ARID3A: variants seen among roughly 807,000 people sequenced by gnomAD.
The protein encoded by ARID3A is AT-rich interactive domain-containing protein 3A.
In ARID3A, 11 loss-of-function variants were observed where a neutral mutation model predicts 52.7. The observed-to-expected ratio is 0.21, with a 90% CI of 0.13 to 0.35. ARID3A has a LOEUF of 0.35. Ranked by LOEUF, ARID3A falls within the 10% of genes least tolerant of loss-of-function variation. ARID3A has a pLI of 1.00. For missense variants in ARID3A, 721 were observed against 838.5 expected (o/e 0.86, Z 1.73); for synonymous variants, 404 against 359.4 (o/e 1.12, Z -1.40).
In ARID3A at chr19:975,466, T is replaced by C. The variant is rs1485348816; in HGVS notation, c.*3401T>C. On this transcript the variant is annotated 3_prime_UTR_variant, in exon 9 of 9. Coordinates refer to ENST00000263620, the MANE Select transcript of ARID3A (RefSeq NM_005224.3). Reference sequence around the variant, plus strand: ...CCCACCTTGTCCCTTTTTTCCCCAATTGTGCTTTTGCATTTTTTTCCTTGG... The same window carrying C: ...CCCACCTTGTCCCTTTTTTCCCCAACTGTGCTTTTGCATTTTTTTCCTTGG... 4 of 228,218 alleles carry C rather than the reference T, an allele frequency of 1.8e-5. No individual in the cohort carries two copies. Among genetic ancestry groups the C allele is most frequent in the South Asian group, 1.8e-4 (1 of 5,498 alleles). 14.1% of individuals were successfully genotyped at this position (228,218 alleles called of 1,614,324 possible).
chr19:929,971 T>C lies in ARID3A; in HGVS notation c.368+75T>C. Reference sequence around the variant, plus strand: ...AGTGTCACTCTGCTCATCTGCAGAATGGGAGTAAGGGTCAGGTCGCGGGAT... The same window carrying C: ...AGTGTCACTCTGCTCATCTGCAGAACGGGAGTAAGGGTCAGGTCGCGGGAT... On this transcript the variant is annotated intron_variant, in intron 2 of 8. Transcript: ENST00000263620. This position sits in a 1 kb window ranked among gnomAD's most constrained non-coding sequence, Gnocchi z 6.2. 1 of 1,522,580 alleles carries C rather than the reference T, an allele frequency of 6.6e-7. No homozygotes were observed. Among genetic ancestry groups the C allele is most frequent in the Middle Eastern group, 1.7e-4 (1 of 5,894 alleles). 94.3% of individuals were successfully genotyped at this position (1,522,580 alleles called of 1,614,324 possible).
Position 974,445 on chromosome 19 carries a change from G to A in ARID3A, c.*2380G>A, listed in dbSNP as rs549602798. ...TGGACTCTGTCCGTGTCTGTCCCCC[G>A]GCCTCCAGGGCTCCTCTCCCGGGAC... On this transcript the variant is annotated 3_prime_UTR_variant, in exon 9 of 9. Coordinates refer to ENST00000263620, the MANE Select transcript of ARID3A (RefSeq NM_005224.3). 6 of 230,960 alleles carry A rather than the reference G, an allele frequency of 2.6e-5. No homozygotes were observed. The highest frequency in any genetic ancestry group is 4.3e-5 in the Non-Finnish European group (5 of 116,672). The allele number at this position is 230,960 out of a possible 1,614,324, so 14.3% of individuals were successfully genotyped here.
At position 941,126 on chromosome 19, in the gene ARID3A, C is replaced by T. The variant is rs375203030; in HGVS notation, c.693+8384C>T. Among the ~76,000 whole-genome samples, 175 of 152,312 alleles carry T rather than the reference C, an allele frequency of 1.1e-3. 3 individuals are homozygous for T. The South Asian group carries it at 0.014, about 12-fold the overall frequency. On this transcript the variant is annotated intron_variant, in intron 3 of 8. Coordinates refer to ENST00000263620, the MANE Select transcript of ARID3A (RefSeq NM_005224.3). This position sits in a 1 kb window ranked among gnomAD's most constrained non-coding sequence, Gnocchi z 6.9. ...GGTGGCTGCTGCCAAGCGCCGGCCC[C>T]GCCCCATGCTTTCTAATAACACACG...
Position 944,033 on chromosome 19 carries a change from T to C in ARID3A, c.693+11291T>C, listed in dbSNP as rs1321562998. ...ATGGGGCACCTGTTGTATGCCAGCC[T>C]GACCCTCTCATGGGCACTTACGGGG... On this transcript the variant is annotated intron_variant, in intron 3 of 8. Transcript: ENST00000263620. This position sits in a 1 kb window ranked among gnomAD's most constrained non-coding sequence, Gnocchi z 5.9. Among the ~76,000 whole-genome samples the C allele has an allele frequency of 5.6e-5, 7 of 124,658 alleles. No homozygotes were observed. The highest frequency in any genetic ancestry group is 2.9e-4 in the South Asian group (1 of 3,500). The allele number at this position is 124,658 out of a possible 152,430, so 81.8% of individuals were successfully genotyped here.
rs534039447 is a variant in ARID3A, at chr19:941,473, G to T, written c.693+8731G>T. Among the ~76,000 whole-genome samples, 77 of 152,320 alleles carry T rather than the reference G, an allele frequency of 5.1e-4. No homozygotes were observed. Among genetic ancestry groups the T allele is most frequent in the African/African-American group, 1.8e-3 (74 of 41,576 alleles). On this transcript the variant is annotated intron_variant, in intron 3 of 8. Coordinates refer to ENST00000263620, the MANE Select transcript of ARID3A (RefSeq NM_005224.3). The surrounding 1 kb of genome is among the most constrained non-coding windows in gnomAD (Gnocchi z 6.9). Reference sequence around the variant, plus strand: ...GTCCCCAGCCAGCACCACGGTGTTCGTTTAGGTCTCTGTGTGCCGAGTGAC... The same window carrying T: ...GTCCCCAGCCAGCACCACGGTGTTCTTTTAGGTCTCTGTGTGCCGAGTGAC...
At chr19:927,754 G>A (rs747326054) in intron 1 of ARID3A, among the ~76,000 whole-genome samples, 5 of 151,982 alleles carry the variant, frequency 3.3e-5, no homozygotes, top group Non-Finnish European at 2.9e-5. Flanking sequence ...GGTGGCCTCC[G>A]GACCGCCAGG....
At position 944,609 on chromosome 19, in the gene ARID3A, C is replaced by T. The variant is rs1418328440; in HGVS notation, c.693+11867C>T. ...GGGCCCGACTGCCAGCCTGGCTGAA[C>T]CTCCTTCATTGTCTGGTTTTCGGGG... On this transcript the variant is annotated intron_variant, in intron 3 of 8. Transcript: ENST00000263620. The surrounding 1 kb of genome is among the most constrained non-coding windows in gnomAD (Gnocchi z 5.9). Among the ~76,000 whole-genome samples the T allele has an allele frequency of 6.6e-6, 1 of 152,116 alleles. No homozygotes were observed. Among genetic ancestry groups the T allele is most frequent in the East Asian group, 1.9e-4 (1 of 5,188 alleles).
chr19:929,639 C>G lies in ARID3A; in HGVS notation c.111C>G (p.Gly37=). The G allele has an allele frequency of 6.5e-7, 1 of 1,529,708 alleles. No individual in the cohort carries two copies. The highest frequency in any genetic ancestry group is 8.7e-7 in the Non-Finnish European group (1 of 1,144,838). 94.8% of individuals were successfully genotyped at this position (1,529,708 alleles called of 1,614,324 possible). ...LPPDPPAAPP[G]RARAAPDEDR... is the part of the protein sequence containing the mutation. ...CCGATCCCCCTGCTGCACCCCCCGG[C>G]CGGGCCCGGGCTGCCCCCGACGAGG... Residue 37 remains glycine (G), a synonymous_variant, in exon 2 of 9, where the codon GGC becomes GGG. Transcript: ENST00000263620. This position sits in a 1 kb window ranked among gnomAD's most constrained non-coding sequence, Gnocchi z 6.2.
chr19:936,659 G>A (rs1456389097), intron 3 of ARID3A, among the ~76,000 whole-genome samples: 1 of 151,882 alleles, frequency 6.6e-6, no homozygotes, highest in Non-Finnish European at 1.5e-5. Flanking sequence ...TGGCTAACAC[G>A]GTGAAACCCT....
At chr19:937,788 C>G (rs964505339) in intron 3 of ARID3A, among the ~76,000 whole-genome samples, 7 of 147,592 alleles carry the variant, frequency 4.7e-5, no homozygotes, top group Admixed American at 2.8e-4. Flanking sequence ...CTCACTGCAA[C>G]CTCCACCTCC....
Position 939,316 on chromosome 19 carries a change from A to G in ARID3A, c.693+6574A>G, listed in dbSNP as rs1191665712. Among the ~76,000 whole-genome samples the G allele has an allele frequency of 3.9e-5, 6 of 151,934 alleles. No homozygotes were observed. The East Asian group carries it at 1.2e-3, about 29-fold the overall frequency. On this transcript the variant is annotated intron_variant, in intron 3 of 8. Coordinates refer to ENST00000263620, the MANE Select transcript of ARID3A (RefSeq NM_005224.3). ...GTATTTTTAGTAGAGACGGGGTTTCACCATGTTGCCCAGGGTGGTCTCGTA... is the reference window on the plus strand; with the variant it reads ...GTATTTTTAGTAGAGACGGGGTTTCGCCATGTTGCCCAGGGTGGTCTCGTA...
intron 3 of ARID3A, among the ~76,000 whole-genome samples, chr19:933,847 G>GGT (rs1555726115): frequency 7.4e-5 from 6 of 81,566 alleles, no homozygotes; most frequent in South Asian, 4.7e-4. Context: ...GGGACTCGGT[G>GGT]GGGGGGGGGG....
Position 971,986 on chromosome 19 carries a change from C to T in ARID3A, c.1703C>T (p.Thr568Ile), listed in dbSNP as rs535008862. 60 of 1,602,140 alleles carry T rather than the reference C, an allele frequency of 3.7e-5. No homozygotes were observed. In the African/African-American group the frequency reaches 6.4e-4, roughly 17 times the overall value. Residue 568 changes from threonine (T) to isoleucine (I), a missense_variant, in exon 9 of 9, where the codon ACC becomes ATC. Transcript: ENST00000263620. ...SSNAGGRGGNTGTSGGQAGPA... is the reference protein window; with the variant it reads ...SSNAGGRGGNIGTSGGQAGPA... ...AACGCAGGCGGCCGGGGAGGAAACA[C>T]CGGAACCAGCGGCGGCCAGGCTGGG...
In ARID3A at chr19:960,118, G is replaced by A. The variant is rs749528929; in HGVS notation, c.720G>A (p.Lys240=). 132 of 1,613,236 alleles carry A rather than the reference G, an allele frequency of 8.2e-5. No individual in the cohort carries two copies. Among genetic ancestry groups the A allele is most frequent in the Non-Finnish European group, 9.8e-5 (116 of 1,179,600 alleles). The change falls in exon 4 of 9, where the codon AAG becomes AAA. Residue 240 remains lysine (K), a synonymous_variant. Transcript: ENST00000263620. The surrounding 1 kb of genome is among the most constrained non-coding windows in gnomAD (Gnocchi z 4.3). ...TCTACGAACTCGACGGGGACCCCAAGAGGAAGGAATTCCTGGATGACTTGT... is the reference window on the plus strand; with the variant it reads ...TCTACGAACTCGACGGGGACCCCAAAAGGAAGGAATTCCTGGATGACTTGT... The part of the protein sequence containing the change: ...KQLYELDGDP[K]RKEFLDDLFS...
chr19:970,442 G>A (rs2038251903), intron 8 of ARID3A, among the ~76,000 whole-genome samples: 1 of 151,894 alleles, frequency 6.6e-6, no homozygotes, highest in Non-Finnish European at 1.5e-5. Context: ...AGGCCAGCCT[G>A]GGCAACACAG....
At position 947,433 on chromosome 19, in the gene ARID3A, C is replaced by T. The variant is rs1284130208; in HGVS notation, c.694-12659C>T. On this transcript the variant is annotated intron_variant, in intron 3 of 8. Transcript: ENST00000263620. The surrounding 1 kb of genome is among the most constrained non-coding windows in gnomAD (Gnocchi z 6.3). ...TCAGCACCAGGCCTGTCGCTGCCGT[C>T]CTGGACTCGTGGGCCTCAGTTTCCC... is the stretch of plus-strand genomic sequence containing the variant. Among the ~76,000 whole-genome samples the T allele has an allele frequency of 6.6e-6, 1 of 152,198 alleles. No homozygotes were observed. The highest frequency in any genetic ancestry group is 2.4e-5 in the African/African-American group (1 of 41,458).
intron 3 of ARID3A, among the ~76,000 whole-genome samples, chr19:951,133 T>C (rs1231432418): frequency 1.3e-5 from 2 of 151,972 alleles, no homozygotes; most frequent in African/African-American, 4.8e-5. Context: ...GGATTCTTTC[T>C]TAAAGAAGAG....
In ARID3A at chr19:972,220, AAGAT is replaced by A; in HGVS notation, c.*157_*160del. On this transcript the variant is annotated 3_prime_UTR_variant, in exon 9 of 9. Transcript: ENST00000263620. ...AGCTGACGCCAAAAAGAAAAGAAAA[AAGAT>A]ATATATATATATATATATATATACA... The A allele has an allele frequency of 3.3e-6, 1 of 303,720 alleles. No individual in the cohort carries two copies. 18.8% of individuals were successfully genotyped at this position (303,720 alleles called of 1,614,324 possible). A position where few individuals can be genotyped will look rare whatever the true frequency, so the allele number is the denominator to read the frequency against.
intron 4 of ARID3A, among the ~76,000 whole-genome samples, chr19:963,740 G>A (rs1174585336): frequency 6.6e-6 from 1 of 152,116 alleles, no homozygotes; most frequent in African/African-American, 2.4e-5. Context: ...CCATGTCGGG[G>A]CTAGCCCATC....
Sources: gnomAD v4.1 joint callset for allele counts (sites outside exome capture counted in the v4.1 genomes callset) on GRCh38, gnomAD v4.1.1 for gene constraint, Gnocchi (gnomAD v3.1) non-coding constraint, MANE v1.5 for transcripts, NCBI Gene and HGNC (gene_info 2026-07-23, HGNC 2026-07-21) for gene names.